Variants in CFTR observed in about 807,000 individuals in gnomAD.
The protein encoded by CFTR is CF transmembrane conductance regulator.
A neutral mutation model predicts 171.6 loss-of-function variants in CFTR; 181 were observed. The ratio of observed to expected loss-of-function variants is 1.05; its 90% CI spans 0.93 to 1.19. The LOEUF (loss-of-function observed/expected upper bound fraction) is 1.19. CFTR is among the 50% of genes most tolerant of loss of function. The pLI, the probability that CFTR is intolerant of heterozygous loss-of-function variation, is 0.00. For synonymous variants in CFTR, 583 were observed against 608.0 expected (o/e 0.96, Z 0.60); for missense variants, 1,968 against 1,734.7 (o/e 1.13, Z -2.39).
intron 11 of CFTR, among the ~76,000 whole-genome samples, chr7:117,562,071 ATG>A (rs980192504): frequency 5.3e-5 from 8 of 152,188 alleles, no homozygotes; most frequent in African/African-American, 1.9e-4. Flanking sequence ...TGTACATGTA[ATG>A]TACCTAACAC....
intron 1 of CFTR, among the ~76,000 whole-genome samples, chr7:117,501,752 AAAAAAAAAAAAAAAAAAAAGAAAC>A (rs1372328395): frequency 4.9e-5 from 7 of 144,142 alleles, no homozygotes; most frequent in East Asian, 4.0e-4. Flanking sequence ...TGTCTCAAAA[AAAAAAAAAAAAAAAAAAAAGAAAC>A]AAAAAAAAAA....
At chr7:117,614,560 C>G in intron 20 of CFTR, 53 bp from the exon 21 acceptor site, 1 of 1,173,652 alleles carries the variant, frequency 8.5e-7, no homozygotes. Context: ...TAAAGTCGTT[C>G]ACAGAAGAGA....
chr7:117,555,620 G>A (rs1017152491), intron 10 of CFTR, among the ~76,000 whole-genome samples: 1 of 152,098 alleles, frequency 6.6e-6, no homozygotes, highest in Admixed American at 6.6e-5. Flanking sequence ...AGTGATGCAC[G>A]GAAAAGTTGT....
chr7:117,520,773 A>G (rs1798673061), intron 3 of CFTR, among the ~76,000 whole-genome samples: 1 of 151,920 alleles, frequency 6.6e-6, no homozygotes, highest in Non-Finnish European at 1.5e-5. Context: ...CATTTTATTC[A>G]TTGATTCAAC....
chr7:117,534,231 G>C (rs573992831), intron 4 of CFTR, 45 bp from the exon 5 acceptor site: 1 of 868,052 alleles, frequency 1.2e-6, no homozygotes, highest in Admixed American at 1.8e-5. Context: ...TAATATATTT[G>C]TATTTTGTTT....
chr7:117,506,332 C>G (rs1360877619), intron 2 of CFTR, among the ~76,000 whole-genome samples: 1 of 152,056 alleles, frequency 6.6e-6, no homozygotes, highest in Non-Finnish European at 1.5e-5. Flanking sequence ...CTGCAAACTT[C>G]GTCTCCTGGG....
chr7:117,647,398 G>A (rs1212384623), intron 23 of CFTR: 1 of 152,140 alleles, frequency 6.6e-6, no homozygotes, highest in East Asian at 1.9e-4. Flanking sequence ...CTTCTGAGGA[G>A]GCCTCAGGAA....
chr7:117,555,995 A>T (rs1020266083), intron 10 of CFTR, among the ~76,000 whole-genome samples: 7 of 152,084 alleles, frequency 4.6e-5, no homozygotes, highest in Non-Finnish European at 8.8e-5. Flanking sequence ...ATATTATTTA[A>T]TTTTTTTGTA....
intron 3 of CFTR, among the ~76,000 whole-genome samples, chr7:117,518,539 A>T (rs914421266): frequency 6.8e-6 from 1 of 146,698 alleles, no homozygotes. Context: ...ATATATAAAC[A>T]TATATACATA....
At chr7:117,578,607 A>G (rs920240528) in intron 11 of CFTR, among the ~76,000 whole-genome samples, 2 of 152,084 alleles carry the variant, frequency 1.3e-5, no homozygotes, top group African/African-American at 2.4e-5. Flanking sequence ...GGTATTTTGG[A>G]TAGCAGCTGT....
At chr7:117,482,608 AT>A (rs1798015423) in intron 1 of CFTR, among the ~76,000 whole-genome samples, 1 of 152,194 alleles carries the variant, frequency 6.6e-6, no homozygotes, top group Non-Finnish European at 1.5e-5. Flanking sequence ...ATAGGAAGCT[AT>A]TTTTAAACTA....
intron 23 of CFTR, among the ~76,000 whole-genome samples, chr7:117,648,037 C>G (rs566894086): frequency 6.9e-6 from 1 of 144,644 alleles, no homozygotes; most frequent in African/African-American, 2.6e-5. Flanking sequence ...TATATATATA[C>G]ACACACACAT....
intron 22 of CFTR, among the ~76,000 whole-genome samples, chr7:117,638,183 G>C (rs1792855491): frequency 6.6e-6 from 1 of 152,086 alleles, no homozygotes; most frequent in Admixed American, 6.5e-5. Flanking sequence ...TCCCATTTTG[G>C]GGGGCAGTGG....
chr7:117,638,612 T>C (rs1792864961), intron 22 of CFTR, among the ~76,000 whole-genome samples: 1 of 152,034 alleles, frequency 6.6e-6, no homozygotes, highest in Non-Finnish European at 1.5e-5. Flanking sequence ...GGTGGCCATC[T>C]GTAATCCCAG....
chr7:117,654,437 T>C (rs1793135049), intron 24 of CFTR, among the ~76,000 whole-genome samples: 1 of 152,122 alleles, frequency 6.6e-6, no homozygotes, highest in Non-Finnish European at 1.5e-5. Flanking sequence ...TATGGGGAGC[T>C]GATATGGTTT....
chr7:117,514,168 T>G (rs1299638235), intron 3 of CFTR, among the ~76,000 whole-genome samples: 1 of 148,376 alleles, frequency 6.7e-6, no homozygotes, highest in Non-Finnish European at 1.5e-5. Flanking sequence ...ACTGTTTAGT[T>G]TAATTTTTTT....
At chr7:117,626,498 T>C (rs1241130903) in intron 21 of CFTR, among the ~76,000 whole-genome samples, 1 of 152,090 alleles carries the variant, frequency 6.6e-6, no homozygotes, top group Non-Finnish European at 1.5e-5. Context: ...TAATTACTAG[T>C]AAGACTAAAA....
chr7:117,502,992 G>T (rs1421033226), intron 1 of CFTR, among the ~76,000 whole-genome samples: 1 of 152,142 alleles, frequency 6.6e-6, no homozygotes, highest in East Asian at 1.9e-4. Flanking sequence ...TACTGAAGAA[G>T]TTCCAGACCA....
intron 22 of CFTR, among the ~76,000 whole-genome samples, chr7:117,636,963 C>A (rs2116151907): frequency 6.6e-6 from 1 of 150,716 alleles, no homozygotes; most frequent in East Asian, 1.9e-4. Flanking sequence ...ATTACAGGTG[C>A]CTGCCACCAT....
Sources: allele counts gnomAD v4.1 joint callset (sites outside exome capture counted in the v4.1 genomes callset), GRCh38; gene constraint gnomAD v4.1.1; transcripts MANE v1.5; gene names NCBI Gene and HGNC (gene_info 2026-07-23, HGNC 2026-07-21).